Variants in HS6ST3 observed in about 807,000 individuals in gnomAD.
The protein encoded by HS6ST3 is heparan-sulfate 6-O-sulfotransferase 3.
Under a neutral mutation model 36.7 loss-of-function variants are expected in HS6ST3, and 12 were observed. That is an observed-to-expected ratio of 0.33 (90% CI 0.21 to 0.53). The LOEUF (loss-of-function observed/expected upper bound fraction) is 0.53. Among genes scored for constraint, HS6ST3 ranks in the 20% least tolerant of loss-of-function variants. HS6ST3 has a pLI of 0.95. For synonymous variants in HS6ST3, 240 were observed against 257.5 expected, an observed-to-expected ratio of 0.93 and a Z score of 0.65; for missense variants, 584 against 640.9, an observed-to-expected ratio of 0.91 and a Z score of 0.96.
intron 1 of HS6ST3, among the ~76,000 whole-genome samples, chr13:96,619,005 G>A (rs376653750): frequency 1.1e-4 from 16 of 143,864 alleles, no homozygotes; most frequent in Non-Finnish European, 1.5e-4. Flanking sequence ...GAGGAGTTGG[G>A]TTTTTTTTTT....
At chr13:96,528,204 T>G (rs556257554) in intron 1 of HS6ST3, among the ~76,000 whole-genome samples, 1 of 152,336 alleles carries the variant, frequency 6.6e-6, no homozygotes, top group Non-Finnish European at 1.5e-5. Flanking sequence ...GTGATTGAAT[T>G]GTAAGCTTTA....
At chr13:96,810,863 A>G (rs1224334848) in intron 1 of HS6ST3, among the ~76,000 whole-genome samples, 1 of 152,224 alleles carries the variant, frequency 6.6e-6, no homozygotes, top group Non-Finnish European at 1.5e-5. Flanking sequence ...GACTTTAGGC[A>G]ATTTTTCTTT....
chr13:96,635,819 C>T (rs1369584576), intron 1 of HS6ST3, among the ~76,000 whole-genome samples: 1 of 152,064 alleles, frequency 6.6e-6, no homozygotes, highest in Non-Finnish European at 1.5e-5. Context: ...TCTGGGAGCC[C>T]ACACTGGATG....
intron 1 of HS6ST3, among the ~76,000 whole-genome samples, chr13:96,624,259 T>C (rs1165964433): frequency 6.6e-6 from 1 of 152,174 alleles, no homozygotes; most frequent in Non-Finnish European, 1.5e-5. Flanking sequence ...AAGCCCTCTC[T>C]ACCTGACCAC....
chr13:96,746,936 A>G (rs1876575983), intron 1 of HS6ST3, among the ~76,000 whole-genome samples: 1 of 152,030 alleles, frequency 6.6e-6, no homozygotes, highest in African/African-American at 2.4e-5. Context: ...ACTAATAGAT[A>G]TTTTTGGTTT....
chr13:96,293,601 C>G (rs1283638084), intron 1 of HS6ST3, among the ~76,000 whole-genome samples: 1 of 152,116 alleles, frequency 6.6e-6, no homozygotes, highest in African/African-American at 2.4e-5. Context: ...TATTCAGAAT[C>G]ACTAGATTGT....
intron 1 of HS6ST3, among the ~76,000 whole-genome samples, chr13:96,711,632 T>C (rs1230438544): frequency 2.0e-5 from 3 of 152,206 alleles, no homozygotes; most frequent in Admixed American, 6.5e-5. Flanking sequence ...TTTTTTCTCC[T>C]AGCTTCTAAG....
intron 1 of HS6ST3, among the ~76,000 whole-genome samples, chr13:96,467,547 G>C (rs1005359136): frequency 2.0e-5 from 3 of 152,134 alleles, no homozygotes; most frequent in African/African-American, 7.2e-5. Flanking sequence ...TACAAGGCTT[G>C]TTCACATTAC....
chr13:96,358,881 TATC>T (rs2055223194), intron 1 of HS6ST3, among the ~76,000 whole-genome samples: 6 of 150,882 alleles, frequency 4.0e-5, no homozygotes, highest in South Asian at 2.2e-4. Context: ...TCTATCTATC[TATC>T]TATCTATCTA....
intron 1 of HS6ST3, among the ~76,000 whole-genome samples, chr13:96,753,905 C>A (rs560888321): frequency 6.6e-6 from 1 of 152,126 alleles, no homozygotes; most frequent in African/African-American, 2.4e-5. Flanking sequence ...CTGCAACCTG[C>A]GCCTCCTGGG....
intron 1 of HS6ST3, among the ~76,000 whole-genome samples, chr13:96,211,888 C>T (rs1202239838): frequency 2.6e-5 from 4 of 152,188 alleles, no homozygotes; most frequent in Non-Finnish European, 5.9e-5. Flanking sequence ...TAACTTTCAA[C>T]AACCCCAGAG....
chr13:96,558,371 C>T (rs1439037534), intron 1 of HS6ST3, among the ~76,000 whole-genome samples: 3 of 152,232 alleles, frequency 2.0e-5, no homozygotes, highest in Non-Finnish European at 4.4e-5. Context: ...CAAGTATATA[C>T]TATTATTTTG....
chr13:96,574,135 T>C (rs564014484), intron 1 of HS6ST3: 34 of 536,512 alleles, frequency 6.3e-5, no homozygotes, highest in African/African-American at 5.6e-4. Context: ...ACGTTAGCCA[T>C]TGCATTTAAG....
chr13:96,661,136 C>A (rs2056644897), intron 1 of HS6ST3, among the ~76,000 whole-genome samples: 1 of 152,120 alleles, frequency 6.6e-6, no homozygotes. Flanking sequence ...AGGACTTGAA[C>A]TGAGCCACTA....
At chr13:96,405,430 G>A (rs925848166) in intron 1 of HS6ST3, among the ~76,000 whole-genome samples, 4 of 152,132 alleles carry the variant, frequency 2.6e-5, no homozygotes, top group East Asian at 3.8e-4. Context: ...TGATGGGAAG[G>A]CCTGGAAGGA....
intron 1 of HS6ST3, among the ~76,000 whole-genome samples, chr13:96,262,155 A>C (rs1420133142): frequency 6.6e-6 from 1 of 152,214 alleles, no homozygotes; most frequent in Non-Finnish European, 1.5e-5. Context: ...AGGTATCTTT[A>C]TCCCCAGGAA....
chr13:96,138,663 C>T (rs1478211743), intron 1 of HS6ST3, among the ~76,000 whole-genome samples: 1 of 151,884 alleles, frequency 6.6e-6, no homozygotes, highest in Non-Finnish European at 1.5e-5. Flanking sequence ...AGATTTCTGC[C>T]AATATGTATT....
At chr13:96,396,083 G>A (rs1422997498) in intron 1 of HS6ST3, among the ~76,000 whole-genome samples, 1 of 152,128 alleles carries the variant, frequency 6.6e-6, no homozygotes, top group Non-Finnish European at 1.5e-5. Context: ...GGAGGCAGAG[G>A]TGGGCGGATC....
At chr13:96,740,805 C>T (rs2138484768) in intron 1 of HS6ST3, among the ~76,000 whole-genome samples, 1 of 152,310 alleles carries the variant, frequency 6.6e-6, no homozygotes, top group African/African-American at 2.4e-5. Flanking sequence ...AAGATTTCCT[C>T]TCCTCTTCTA....
Sources: allele counts gnomAD v4.1 joint callset (sites outside exome capture counted in the v4.1 genomes callset), GRCh38; gene constraint gnomAD v4.1.1; transcripts MANE v1.5; gene names NCBI Gene and HGNC (gene_info 2026-07-23, HGNC 2026-07-21).